SLC25A37: variants seen among roughly 807,000 people sequenced by gnomAD.
SLC25A37 encodes the protein solute carrier family 25 member 37.
A neutral mutation model predicts 31.0 loss-of-function variants in SLC25A37; 17 were observed. The ratio of observed to expected loss-of-function variants is 0.55; its 90% CI spans 0.38 to 0.82. The LOEUF (loss-of-function observed/expected upper bound fraction) is 0.82, where lower values mean the gene tolerates loss of function less well. SLC25A37 is among the 40% of genes least tolerant of loss of function. The pLI, the probability that SLC25A37 is intolerant of heterozygous loss-of-function variation, is 0.00. For missense variants in SLC25A37, 404 were observed against 465.8 expected (o/e 0.87, Z 1.22); for synonymous variants, 222 against 193.0 (o/e 1.15, Z -1.24).
intron 1 of SLC25A37, among the ~76,000 whole-genome samples, chr8:23,533,273 G>A (rs902950406): frequency 3.3e-5 from 5 of 152,136 alleles, no homozygotes; most frequent in Non-Finnish European, 5.9e-5. Context: ...GTTTGGAGGC[G>A]CGTGCCCAAG....
chr8:23,556,305 C>T (rs1802363742), intron 1 of SLC25A37, among the ~76,000 whole-genome samples: 1 of 151,494 alleles, frequency 6.6e-6, no homozygotes, highest in Non-Finnish European at 1.5e-5. Context: ...ACTGCAGCCT[C>T]AGTCTCCTGG....
intron 1 of SLC25A37, among the ~76,000 whole-genome samples, chr8:23,548,250 T>A (rs1802121673): frequency 6.6e-6 from 1 of 151,968 alleles, no homozygotes; most frequent in Non-Finnish European, 1.5e-5. Flanking sequence ...GCGATCTCGG[T>A]TCACTGCAAC....
chr8:23,542,622 G>T (rs536092111), intron 1 of SLC25A37, among the ~76,000 whole-genome samples: 54 of 150,166 alleles, frequency 3.6e-4, no homozygotes, highest in African/African-American at 1.3e-3. Context: ...CAGGTGACCC[G>T]CCCTCCTCAG....
chr8:23,536,781 T>C (rs1801777974), intron 1 of SLC25A37, among the ~76,000 whole-genome samples: 1 of 152,232 alleles, frequency 6.6e-6, no homozygotes, highest in Admixed American at 6.5e-5. Flanking sequence ...GGCCTGCCTG[T>C]GGCTGTATCT....
Position 23,574,182 on chromosome 8 carries a change from G to A in SLC25A37, c.*2327G>A, listed in dbSNP as rs1802932509. On this transcript the variant is annotated 3_prime_UTR_variant, in exon 4 of 4. Coordinates refer to ENST00000519973, the MANE Select transcript of SLC25A37 (RefSeq NM_016612.4). ...GAGGGATGCAAGAAGGAGAGGTGAA[G>A]GTGGCGTGTGGTGGCTCATGCCTGT... The A allele has an allele frequency of 3.8e-6, 1 of 264,468 alleles. No homozygotes were observed. Among genetic ancestry groups the A allele is most frequent in the African/African-American group, 2.2e-5 (1 of 45,086 alleles). The allele number at this position is 264,468 out of a possible 1,614,324, so 16.4% of individuals were successfully genotyped here.
At chr8:23,534,560 C>G (rs1269045827) in intron 1 of SLC25A37, among the ~76,000 whole-genome samples, 2 of 152,180 alleles carry the variant, frequency 1.3e-5, no homozygotes. Flanking sequence ...CCCCTCTTTA[C>G]CGAATGTTTC....
chr8:23,545,309 CCT>C (rs1226279729), intron 1 of SLC25A37, among the ~76,000 whole-genome samples: 1 of 152,210 alleles, frequency 6.6e-6, no homozygotes, highest in Non-Finnish European at 1.5e-5. Context: ...ACTTTCCTGT[CCT>C]CTCTCTTTCC....
At chr8:23,538,943 G>GA (rs1801833172) in intron 1 of SLC25A37, among the ~76,000 whole-genome samples, 1 of 152,130 alleles carries the variant, frequency 6.6e-6, no homozygotes, top group South Asian at 2.1e-4. Context: ...TCTCCTGCGA[G>GA]AGACAGTGGT....
At chr8:23,560,429 C>T (rs78181961) in intron 1 of SLC25A37, among the ~76,000 whole-genome samples, 426 of 152,320 alleles carry the variant, frequency 2.8e-3, no homozygotes, top group Middle Eastern at 0.014. Flanking sequence ...TACACTCCTT[C>T]GAGGCACCCT....
chr8:23,571,550 A>G lies in SLC25A37; in HGVS notation c.712A>G (p.Ile238Val), dbSNP rs751192129. Residue 238 changes from isoleucine (I) to valine (V), a missense_variant, in exon 4 of 4, where the codon ATC (isoleucine) becomes GTC (valine). Around this residue, in one of 3 missense-constraint regions of SLC25A37, gnomAD observed 243 missense variants for 284.4 expected, o/e 0.85. Transcript: ENST00000519973. ...PHRTYNPQSH[I>V]ISGGLAGALA... is the part of the protein sequence containing the mutation. ...CCGGACCTACAACCCGCAGTCCCAC[A>G]TCATCTCAGGCGGGCTGGCCGGGGC... The G allele has an allele frequency of 1.9e-6, 3 of 1,613,854 alleles. No homozygotes were observed. The highest frequency in any genetic ancestry group is 1.1e-5 in the South Asian group (1 of 91,056).
intron 1 of SLC25A37, 138 bp from the exon 2 acceptor site, chr8:23,565,970 A>G: frequency 7.9e-7 from 1 of 1,263,644 alleles, no homozygotes; most frequent in Non-Finnish European, 1.0e-6. Context: ...TTTGATTTCA[A>G]ATATGTTTCC....
intron 1 of SLC25A37, among the ~76,000 whole-genome samples, chr8:23,551,218 C>T (rs185365609): frequency 6.6e-6 from 1 of 152,336 alleles, no homozygotes; most frequent in East Asian, 1.9e-4. Flanking sequence ...CCCTGCCCCA[C>T]CTCTCTGCCA....
At chr8:23,550,180 TCAAAAA>T (rs1802184279) in intron 1 of SLC25A37, among the ~76,000 whole-genome samples, 1 of 68,092 alleles carries the variant, frequency 1.5e-5, no homozygotes, top group Admixed American at 1.8e-4. Context: ...AAATTCCGTT[TCAAAAA>T]AAAAAAAAAA....
At chr8:23,546,493 G>A (rs549276955) in intron 1 of SLC25A37, among the ~76,000 whole-genome samples, 6 of 135,782 alleles carry the variant, frequency 4.4e-5, no homozygotes, top group African/African-American at 1.8e-4. Flanking sequence ...TTTAAGGTGT[G>A]TGTGTATATA....
At chr8:23,554,722 A>G (rs934770234) in intron 1 of SLC25A37, among the ~76,000 whole-genome samples, 1 of 152,160 alleles carries the variant, frequency 6.6e-6, no homozygotes, top group Non-Finnish European at 1.5e-5. Context: ...AGCTGCTGCC[A>G]GTGGGCGGAG....
In SLC25A37 at chr8:23,573,631, G is replaced by C. The variant is rs769182628; in HGVS notation, c.*1776G>C. 2.7e-6 allele frequency: 1 copy of C among 374,736 alleles called. No individual in the cohort carries two copies. The highest frequency in any genetic ancestry group is 1.9e-5 in the South Asian group (1 of 52,870). The allele number at this position is 374,736 out of a possible 1,614,324, so 23.2% of individuals were successfully genotyped here. ...CTTGGGACCATGCACACAGTGCCTTGGGGAGTAGATTTTGCCCTAATAGCG... is the reference window on the plus strand; with the variant it reads ...CTTGGGACCATGCACACAGTGCCTTCGGGAGTAGATTTTGCCCTAATAGCG... On this transcript the variant is annotated 3_prime_UTR_variant, in exon 4 of 4. Transcript: ENST00000519973.
At chr8:23,559,126 G>C (rs1802443698) in intron 1 of SLC25A37, among the ~76,000 whole-genome samples, 4 of 152,230 alleles carry the variant, frequency 2.6e-5, no homozygotes, top group Admixed American at 2.6e-4. Flanking sequence ...TTTAGGAAGT[G>C]CCTTGGAAAA....
intron 1 of SLC25A37, among the ~76,000 whole-genome samples, chr8:23,561,128 C>T (rs1375665949): frequency 6.6e-6 from 1 of 152,142 alleles, no homozygotes; most frequent in East Asian, 1.9e-4. Context: ...AAAAGAAGGT[C>T]AGTTTTTGCA....
At chr8:23,571,117 T>TG (rs1802815687) in intron 3 of SLC25A37, among the ~76,000 whole-genome samples, 2 of 151,988 alleles carry the variant, frequency 1.3e-5, no homozygotes, top group Non-Finnish European at 2.9e-5. Context: ...CAGGCGTGAG[T>TG]CCTGGAGATA....
Sources: allele counts gnomAD v4.1 joint callset (sites outside exome capture counted in the v4.1 genomes callset), GRCh38; gene constraint gnomAD v4.1.1; regional missense constraint gnomAD v4.1.1; transcripts MANE v1.5; gene names NCBI Gene and HGNC (gene_info 2026-07-23, HGNC 2026-07-21).